MAN2A1: variants seen among roughly 807,000 people sequenced by gnomAD.
MAN2A1 encodes mannosidase alpha class 2A member 1.
In MAN2A1, 76 loss-of-function variants were observed where a neutral mutation model predicts 142.6. The ratio of observed to expected loss-of-function variants is 0.53; its 90% CI spans 0.44 to 0.65. The LOEUF is 0.65. Ranked by LOEUF, MAN2A1 falls within the 30% of genes least tolerant of loss-of-function variation. MAN2A1 has a pLI of 0.00. For missense variants in MAN2A1, 1,311 were observed against 1,365.1 expected, an observed-to-expected ratio of 0.96 and a Z score of 0.62; for synonymous variants, 559 against 473.2, an observed-to-expected ratio of 1.18 and a Z score of -2.35.
intron 4 of MAN2A1, among the ~76,000 whole-genome samples, chr5:109,749,847 T>G (rs1752500481): frequency 6.6e-6 from 1 of 152,088 alleles, no homozygotes. Context: ...ATGGAAAGAC[T>G]TGGAAGTGCC....
chr5:109,780,080 T>C (rs1300143550), intron 8 of MAN2A1, among the ~76,000 whole-genome samples: 1 of 152,068 alleles, frequency 6.6e-6, no homozygotes, highest in Non-Finnish European at 1.5e-5. Context: ...GTTTTTGAGA[T>C]GGAGTCTCGC....
At chr5:109,830,420 C>T (rs1185186798) in intron 16 of MAN2A1, among the ~76,000 whole-genome samples, 1 of 152,122 alleles carries the variant, frequency 6.6e-6, no homozygotes, top group East Asian at 1.9e-4. Context: ...TGCCTGACTC[C>T]CTGCTTCTAA....
rs1014067652 is a variant in MAN2A1 at position 109,690,127 on chromosome 5, C to T, written c.-291C>T. 3.0e-5 allele frequency: 11 copies of T among 369,102 alleles called. No homozygotes were observed. Among genetic ancestry groups the T allele is most frequent in the Non-Finnish European group, 5.1e-5 (10 of 197,982 alleles). 22.9% of individuals were successfully genotyped at this position (369,102 alleles called of 1,614,324 possible). A position where few individuals can be genotyped will look rare whatever the true frequency, so the allele number is the denominator to read the frequency against. On this transcript the variant is annotated 5_prime_UTR_variant, in exon 1 of 22. Coordinates refer to ENST00000261483, the MANE Select transcript of MAN2A1 (RefSeq NM_002372.4). ...CCGCGCGCCCTGCCGGAGGTCGGCG[C>T]TGAGCTTGCGATCAAGTTTGTGGGG...
intron 17 of MAN2A1, among the ~76,000 whole-genome samples, chr5:109,843,517 A>G (rs750014057): frequency 1.3e-5 from 2 of 152,174 alleles, no homozygotes; most frequent in Non-Finnish European, 2.9e-5. Flanking sequence ...TTTGTTCCCT[A>G]TATATTGGTT....
chr5:109,849,710 T>TG (rs577101071), intron 19 of MAN2A1, among the ~76,000 whole-genome samples: 207 of 150,130 alleles, frequency 1.4e-3, no homozygotes, highest in African/African-American at 4.9e-3. Context: ...TGGTTTTTTT[T>TG]TTTGTTTTTT....
At chr5:109,835,722 T>C (rs1755040130) in intron 16 of MAN2A1, among the ~76,000 whole-genome samples, 1 of 152,148 alleles carries the variant, frequency 6.6e-6, no homozygotes. Context: ...CTATAACTGG[T>C]TGAGTGTGGT....
intron 19 of MAN2A1, among the ~76,000 whole-genome samples, chr5:109,852,336 AT>A (rs1755505238): frequency 6.6e-6 from 1 of 151,782 alleles, no homozygotes; most frequent in African/African-American, 2.4e-5. Flanking sequence ...TCTTTCATTT[AT>A]TTATATTGCA....
intron 20 of MAN2A1, chr5:109,863,815 A>T (rs1170240492): frequency 6.6e-6 from 1 of 152,218 alleles, no homozygotes; most frequent in Non-Finnish European, 1.5e-5. Context: ...AATTTTTATC[A>T]TATGATTTAA....
chr5:109,824,260 A>C (rs550796797), intron 16 of MAN2A1, among the ~76,000 whole-genome samples: 1 of 152,340 alleles, frequency 6.6e-6, no homozygotes, highest in Non-Finnish European at 1.5e-5. Context: ...AAAATGTTCT[A>C]AGCTGGTTCT....
intron 10 of MAN2A1, among the ~76,000 whole-genome samples, chr5:109,787,229 A>G (rs1753617124): frequency 6.6e-6 from 1 of 151,994 alleles, no homozygotes; most frequent in African/African-American, 2.4e-5. Context: ...CTTGTAATTA[A>G]GGTAGGTGGG....
chr5:109,760,864 C>G (rs1229036164), intron 5 of MAN2A1, among the ~76,000 whole-genome samples: 1 of 151,762 alleles, frequency 6.6e-6, no homozygotes, highest in Non-Finnish European at 1.5e-5. Flanking sequence ...ATTCTTTTCT[C>G]TTTTATTCTT....
At chr5:109,837,415 C>A (rs1239534474) in intron 16 of MAN2A1, among the ~76,000 whole-genome samples, 1 of 152,068 alleles carries the variant, frequency 6.6e-6, no homozygotes, top group African/African-American at 2.4e-5. Context: ...GGTCTTCTCT[C>A]TACTCGCTTA....
intron 19 of MAN2A1, among the ~76,000 whole-genome samples, 168 bp downstream of exon 19, chr5:109,847,958 C>T (rs914329527): frequency 5.3e-5 from 8 of 152,028 alleles, no homozygotes; most frequent in African/African-American, 1.9e-4. Context: ...TTATAAATAT[C>T]GTGTAAGATT....
intron 17 of MAN2A1, among the ~76,000 whole-genome samples, chr5:109,843,006 A>G (rs769643821): frequency 2.6e-5 from 4 of 152,028 alleles, no homozygotes; most frequent in Admixed American, 2.0e-4. Context: ...CGGTTTCACC[A>G]TGTTGGCCAG....
At chr5:109,815,878 T>C (rs930199536) in intron 12 of MAN2A1, among the ~76,000 whole-genome samples, 6 of 152,212 alleles carry the variant, frequency 3.9e-5, no homozygotes, top group African/African-American at 1.4e-4. Context: ...TACAAAATTG[T>C]ATAGGAAAAC....
intron 3 of MAN2A1, among the ~76,000 whole-genome samples, chr5:109,718,308 T>C (rs550804514): frequency 2.6e-5 from 4 of 152,346 alleles, no homozygotes; most frequent in Admixed American, 6.5e-5. Context: ...TCTGCAACTT[T>C]TAATTCTCAC....
chr5:109,854,513 G>A (rs1036515408), intron 19 of MAN2A1: 6 of 152,056 alleles, frequency 3.9e-5, no homozygotes, highest in African/African-American at 1.4e-4. Flanking sequence ...AATTGGCAAT[G>A]ATTTACCAAG....
At chr5:109,759,966 G>C (rs1045017836) in intron 5 of MAN2A1, among the ~76,000 whole-genome samples, 2 of 28,414 alleles carry the variant, frequency 7.0e-5, no homozygotes, top group East Asian at 9.8e-4. Flanking sequence ...TATATATATA[G>C]ATAGATAGAT....
intron 20 of MAN2A1, among the ~76,000 whole-genome samples, chr5:109,860,293 A>G (rs1245738263): frequency 6.6e-6 from 1 of 152,096 alleles, no homozygotes; most frequent in African/African-American, 2.4e-5. Context: ...CAGGATAGCT[A>G]TTATTGGACA....
Sources: allele counts gnomAD v4.1 joint callset (sites outside exome capture counted in the v4.1 genomes callset), GRCh38; gene constraint gnomAD v4.1.1; transcripts MANE v1.5; gene names NCBI Gene and HGNC (gene_info 2026-07-23, HGNC 2026-07-21).